MAGI2: variants seen among roughly 807,000 people sequenced by gnomAD.
The protein encoded by MAGI2 is membrane associated guanylate kinase, WW and PDZ domain containing 2.
MAGI2 carries 35 observed loss-of-function variants against 133.3 expected under a neutral mutation model. The observed-to-expected ratio is 0.26, with a 90% CI of 0.20 to 0.35. MAGI2 has a LOEUF of 0.35. Among genes scored for constraint, MAGI2 ranks in the 10% least tolerant of loss-of-function variants. The probability of loss-of-function intolerance (pLI) is 1.00; values close to 1 mark genes in which losing one functional copy is unlikely to be tolerated. For missense variants in MAGI2, 1,636 were observed against 1,863.4 expected (o/e 0.88, Z 2.25); for synonymous variants, 729 against 710.6 (o/e 1.03, Z -0.41).
chr7:79,236,302 C>T (rs10953812), intron 1 of MAGI2, among the ~76,000 whole-genome samples: 99,891 of 152,006 alleles, frequency 0.66, 33,280 homozygotes, highest in Non-Finnish European at 0.7. Flanking sequence ...CTATCCACAA[C>T]CAATTCACAA....
intron 3 of MAGI2, among the ~76,000 whole-genome samples, chr7:78,619,893 A>G (rs1319357240): frequency 6.6e-6 from 1 of 151,978 alleles, no homozygotes; most frequent in African/African-American, 2.4e-5. Context: ...TGTTCCTAAA[A>G]AGTACACCCA....
At position 78,190,594 on chromosome 7, in the gene MAGI2, G is replaced by A. The variant is rs140601244; in HGVS notation, c.2269+4280C>T. 4.7e-4 allele frequency among the ~76,000 whole-genome samples: 71 copies of A among 152,234 alleles called. 1 individual carries two copies. The East Asian group carries it at 0.012, about 25-fold the overall frequency. On this transcript the variant is annotated intron_variant, in intron 12 of 21. Transcript: ENST00000354212. ...GTAGTCACCCTAGATAGTCTTATAAGTAACTAGACCAGTAATAGAAGATTT... is the reference window on the plus strand; with the variant it reads ...GTAGTCACCCTAGATAGTCTTATAAATAACTAGACCAGTAATAGAAGATTT...
chr7:79,177,920 G>T lies in MAGI2; in HGVS notation c.302-170714C>A, dbSNP rs546632289. 3.3e-5 allele frequency among the ~76,000 whole-genome samples: 5 copies of T among 152,074 alleles called. No individual in the cohort carries two copies. In the South Asian group the frequency reaches 1.0e-3, roughly 32 times the overall value. On this transcript the variant is annotated intron_variant, in intron 1 of 21. Transcript: ENST00000354212. ...GTGTATGCGGTTTTACTCCTATTCAGGTTATCAGTACTTCAAGCTTATCTA... is the reference window on the plus strand; with the variant it reads ...GTGTATGCGGTTTTACTCCTATTCATGTTATCAGTACTTCAAGCTTATCTA...
chr7:79,395,343 A>AAATGTGTT (rs1254057124), intron 1 of MAGI2, among the ~76,000 whole-genome samples: 1 of 152,210 alleles, frequency 6.6e-6, no homozygotes. Context: ...TTATAACAGA[A>AAATGTGTT]AATGTGTTAA....
chr7:79,126,191 G>A (rs1434093765), intron 1 of MAGI2, among the ~76,000 whole-genome samples: 3 of 152,058 alleles, frequency 2.0e-5, no homozygotes, highest in Non-Finnish European at 4.4e-5. Context: ...AAGTAATGGG[G>A]ACGAAAGCTT....
At chr7:78,672,958 C>A (rs1368359480) in intron 2 of MAGI2, among the ~76,000 whole-genome samples, 1 of 152,106 alleles carries the variant, frequency 6.6e-6, no homozygotes, top group East Asian at 1.9e-4. Flanking sequence ...TCATGCTTAG[C>A]CTATAAAAGT....
intron 1 of MAGI2, among the ~76,000 whole-genome samples, chr7:79,134,230 A>T (rs1178362823): frequency 6.6e-6 from 1 of 152,198 alleles, no homozygotes; most frequent in African/African-American, 2.4e-5. Flanking sequence ...TGAACTGAAG[A>T]TATAGTGGAA....
chr7:78,742,447 T>C (rs1339379003), intron 2 of MAGI2, among the ~76,000 whole-genome samples: 1 of 152,220 alleles, frequency 6.6e-6, no homozygotes, highest in African/African-American at 2.4e-5. Flanking sequence ...TCTTCTTATC[T>C]ATCCTATCGT....
intron 1 of MAGI2, among the ~76,000 whole-genome samples, chr7:79,424,642 T>C (rs1401861698): frequency 6.6e-6 from 1 of 152,172 alleles, no homozygotes; most frequent in Non-Finnish European, 1.5e-5. Context: ...GTATGTATAC[T>C]TCAAAACATC....
intron 2 of MAGI2, among the ~76,000 whole-genome samples, chr7:78,739,598 A>T (rs1425755112): frequency 2.0e-5 from 3 of 152,122 alleles, no homozygotes; most frequent in Non-Finnish European, 4.4e-5. Flanking sequence ...AAATAGTATT[A>T]ATTTATCTTT....
chr7:78,147,782 G>A (rs555870549), intron 16 of MAGI2, among the ~76,000 whole-genome samples: 9 of 152,014 alleles, frequency 5.9e-5, no homozygotes, highest in Admixed American at 3.9e-4. Flanking sequence ...GATTGCTTGA[G>A]CCCAGGAATT....
intron 14 of MAGI2, among the ~76,000 whole-genome samples, chr7:78,169,635 C>G (rs1825933868): frequency 6.6e-6 from 1 of 152,176 alleles, no homozygotes; most frequent in Non-Finnish European, 1.5e-5. Context: ...ATGAAAATTT[C>G]CCACACTACT....
chr7:79,290,894 T>G (rs1194515168), intron 1 of MAGI2, among the ~76,000 whole-genome samples: 1 of 152,118 alleles, frequency 6.6e-6, no homozygotes. Flanking sequence ...TGTTTTAAAG[T>G]GTATAAGTCA....
intron 21 of MAGI2, among the ~76,000 whole-genome samples, chr7:78,057,912 A>T (rs572537675): frequency 7.0e-6 from 1 of 143,848 alleles, no homozygotes; most frequent in African/African-American, 2.6e-5. Flanking sequence ...GAAAAGGCCA[A>T]CTGAACAGAT....
At chr7:78,165,512 C>T (rs1160812905) in intron 15 of MAGI2, among the ~76,000 whole-genome samples, 2 of 152,076 alleles carry the variant, frequency 1.3e-5, no homozygotes, top group South Asian at 2.1e-4. Context: ...TGAGGTGGGG[C>T]GGGCATTTGT....
intron 2 of MAGI2, among the ~76,000 whole-genome samples, chr7:78,800,616 A>AT (rs1254776393): frequency 2.0e-5 from 3 of 152,022 alleles, no homozygotes; most frequent in African/African-American, 4.8e-5. Context: ...ATACATTTAC[A>AT]TTTTTTCTTA....
chr7:78,378,063 CAGAT>C (rs998783100), intron 6 of MAGI2, among the ~76,000 whole-genome samples: 4 of 151,834 alleles, frequency 2.6e-5, no homozygotes, highest in African/African-American at 9.7e-5. Context: ...AAAGAACAGA[CAGAT>C]AGTAAAAGAT....
At chr7:78,581,810 G>A (rs1294245603) in intron 3 of MAGI2, among the ~76,000 whole-genome samples, 2 of 152,264 alleles carry the variant, frequency 1.3e-5, no homozygotes, top group East Asian at 3.9e-4. Flanking sequence ...TGAAGAAGAG[G>A]ACTGTTGTGG....
chr7:79,439,436 A>G (rs1486645805), intron 1 of MAGI2, among the ~76,000 whole-genome samples: 4 of 149,492 alleles, frequency 2.7e-5, no homozygotes, highest in African/African-American at 4.9e-5. Context: ...TTAAGTCTTC[A>G]GACTCCAAGA....
Sources: gnomAD v4.1 joint callset for allele counts (sites outside exome capture counted in the v4.1 genomes callset) on GRCh38, gnomAD v4.1.1 for gene constraint, MANE v1.5 for transcripts, NCBI Gene and HGNC (gene_info 2026-07-23, HGNC 2026-07-21) for gene names.